The following TAF4B variants were observed in gnomAD, a reference collection of about 807,000 sequenced individuals.
The protein encoded by TAF4B is transcription initiation factor TFIID subunit 4B.
TAF4B carries 38 observed loss-of-function variants against 86.4 expected under a neutral mutation model. The observed-to-expected ratio is 0.44, with a 90% CI of 0.34 to 0.58. TAF4B has a LOEUF of 0.58. Among genes scored for constraint, TAF4B ranks in the 20% least tolerant of loss-of-function variants. The pLI is 0.02. For missense variants in TAF4B, 988 were observed against 1,027.6 expected, an observed-to-expected ratio of 0.96 and a Z score of 0.53; for synonymous variants, 388 against 391.2, an observed-to-expected ratio of 0.99 and a Z score of 0.10.
At chr18:26,276,028 A>AG (rs1380083990) in intron 5 of TAF4B, among the ~76,000 whole-genome samples, 41 of 151,316 alleles carry the variant, frequency 2.7e-4, no homozygotes, top group Non-Finnish European at 4.7e-4. Flanking sequence ...AAAAAAAAAA[A>AG]AAAAGAAAAG....
intron 1 of TAF4B, among the ~76,000 whole-genome samples, chr18:26,232,083 T>G (rs1354282705): frequency 6.6e-6 from 1 of 152,142 alleles, no homozygotes; most frequent in East Asian, 1.9e-4. Context: ...TAGAATCTTC[T>G]TGCTAGCTAC....
intron 9 of TAF4B, among the ~76,000 whole-genome samples, chr18:26,297,717 T>A (rs117993945): frequency 2.6e-4 from 39 of 152,328 alleles, no homozygotes; most frequent in Non-Finnish European, 4.6e-4. Flanking sequence ...ATTGCTTTTG[T>A]TTGCACTGAA....
intron 1 of TAF4B, among the ~76,000 whole-genome samples, chr18:26,242,841 T>C (rs974351156): frequency 7.9e-5 from 12 of 152,226 alleles, no homozygotes; most frequent in African/African-American, 2.2e-4. Flanking sequence ...CCTTCACTTA[T>C]GAAGCTTAGT....
intron 14 of TAF4B, among the ~76,000 whole-genome samples, chr18:26,359,525 A>G (rs1200406802): frequency 6.6e-6 from 1 of 152,182 alleles, no homozygotes; most frequent in Non-Finnish European, 1.5e-5. Flanking sequence ...GCATAGTAGA[A>G]CTGTGTCCTG....
At chr18:26,274,381 C>T (rs2144563976) in intron 3 of TAF4B, among the ~76,000 whole-genome samples, 1 of 152,268 alleles carries the variant, frequency 6.6e-6, no homozygotes, top group Middle Eastern at 3.4e-3. Context: ...GGTACCGTTG[C>T]AATCCCTATT....
chr18:26,321,802 T>C (rs2056965440), intron 11 of TAF4B, among the ~76,000 whole-genome samples: 1 of 152,192 alleles, frequency 6.6e-6, no homozygotes, highest in Non-Finnish European at 1.5e-5. Flanking sequence ...ATAGTCCTTA[T>C]GTTCTACATT....
intron 13 of TAF4B, among the ~76,000 whole-genome samples, chr18:26,356,429 A>G (rs552540296): frequency 9.7e-4 from 147 of 152,236 alleles, no homozygotes; most frequent in Admixed American, 4.1e-3. Flanking sequence ...AATAATCTGA[A>G]GTAATCTTAA....
intron 1 of TAF4B, among the ~76,000 whole-genome samples, chr18:26,260,016 G>T (rs1598734571): frequency 6.6e-6 from 1 of 152,116 alleles, no homozygotes; most frequent in Non-Finnish European, 1.5e-5. Context: ...GTTTCGATTT[G>T]CATTTGTCTG....
chr18:26,297,316 C>T (rs2056676317), intron 9 of TAF4B, among the ~76,000 whole-genome samples: 1 of 152,086 alleles, frequency 6.6e-6, no homozygotes, highest in Non-Finnish European at 1.5e-5. Flanking sequence ...AATTCGTTGG[C>T]ACTGTTAAGG....
intron 11 of TAF4B, 109 bp from the exon 12 acceptor site, chr18:26,326,906 C>A: frequency 8.0e-7 from 1 of 1,245,714 alleles, no homozygotes; most frequent in Non-Finnish European, 1.1e-6. Context: ...GAAAGTTCAG[C>A]TTCCTATTTA....
intron 14 of TAF4B, among the ~76,000 whole-genome samples, chr18:26,379,916 G>T (rs529229014): frequency 6.6e-6 from 1 of 152,070 alleles, no homozygotes; most frequent in African/African-American, 2.4e-5. Context: ...TTTTTTTGAT[G>T]CTATTGAAAG....
intron 9 of TAF4B, among the ~76,000 whole-genome samples, chr18:26,314,533 T>G (rs1051199374): frequency 2.0e-5 from 3 of 152,220 alleles, no homozygotes; most frequent in East Asian, 3.8e-4. Context: ...AGGCCATTTT[T>G]GGGTAATTGC....
intron 13 of TAF4B, among the ~76,000 whole-genome samples, chr18:26,346,901 GTGTGTGTATA>G (rs2057201858): frequency 1.3e-4 from 1 of 7,564 alleles, no homozygotes; most frequent in Non-Finnish European, 5.2e-4. Context: ...ATATATATAT[GTGTGTGTATA>G]TATATATATA....
At chr18:26,378,597 T>A (rs1390791951) in intron 14 of TAF4B, among the ~76,000 whole-genome samples, 1 of 152,194 alleles carries the variant, frequency 6.6e-6, no homozygotes, top group East Asian at 1.9e-4. Context: ...CTTTTCAGAT[T>A]GAGGTATAAT....
intron 9 of TAF4B, among the ~76,000 whole-genome samples, chr18:26,298,526 C>T (rs2144626996): frequency 6.6e-6 from 1 of 152,038 alleles, no homozygotes; most frequent in African/African-American, 2.4e-5. Flanking sequence ...GCCACCGTGC[C>T]CTGCCTGTTT....
intron 13 of TAF4B, among the ~76,000 whole-genome samples, chr18:26,339,439 C>T (rs899760303): frequency 5.9e-5 from 9 of 152,190 alleles, no homozygotes; most frequent in African/African-American, 1.9e-4. Context: ...GCTCCTCCTA[C>T]CTCACCCTAC....
intron 9 of TAF4B, among the ~76,000 whole-genome samples, chr18:26,307,628 A>AGTGT (rs2056808266): frequency 6.6e-6 from 1 of 152,162 alleles, no homozygotes; most frequent in African/African-American, 2.4e-5. Flanking sequence ...TAGGGGTTTT[A>AGTGT]GTGTGATTTT....
chr18:26,275,242 G>A (rs2056370597), intron 5 of TAF4B, among the ~76,000 whole-genome samples, 189 bp downstream of exon 5: 3 of 152,156 alleles, frequency 2.0e-5, no homozygotes, highest in African/African-American at 4.8e-5. Context: ...TGCAACCTCT[G>A]CCTCCTGGGT....
intron 14 of TAF4B, among the ~76,000 whole-genome samples, chr18:26,383,012 T>G (rs533671589): frequency 1.3e-5 from 2 of 152,016 alleles, no homozygotes; most frequent in Non-Finnish European, 2.9e-5. Flanking sequence ...TGGAGTTCAG[T>G]GAAGAGAGAA....
Sources: gnomAD v4.1 joint callset for allele counts (sites outside exome capture counted in the v4.1 genomes callset) on GRCh38, gnomAD v4.1.1 for gene constraint, MANE v1.5 for transcripts, NCBI Gene and HGNC (gene_info 2026-07-23, HGNC 2026-07-21) for gene names.